Variants in DENND1C observed in about 807,000 individuals in gnomAD.
The protein encoded by DENND1C is DENN domain containing 1C, also known as DENN domain-containing protein 1C.
Under a neutral mutation model 87.9 loss-of-function variants are expected in DENND1C, and 64 were observed. That is an observed-to-expected ratio of 0.73 (90% CI 0.60 to 0.90). The LOEUF (loss-of-function observed/expected upper bound fraction) is 0.90, where lower values mean the gene tolerates loss of function less well. Ranked by LOEUF, DENND1C falls within the 40% of genes least tolerant of loss-of-function variation. The probability of loss-of-function intolerance (pLI) is 0.00; values close to 1 mark genes in which losing one functional copy is unlikely to be tolerated. For missense variants in DENND1C, 980 were observed against 1,037.0 expected (o/e 0.95, Z 0.76); for synonymous variants, 384 against 424.4 (o/e 0.90, Z 1.17).
In DENND1C at chr19:6,479,214, T is replaced by A. The variant is rs144530635; in HGVS notation, c.177-158A>T. 7 of 1,077,962 alleles carry A rather than the reference T, an allele frequency of 6.5e-6. No homozygotes were observed. In the African/African-American group the frequency reaches 8.3e-5, roughly 13 times the overall value. 66.8% of individuals were successfully genotyped at this position (1,077,962 alleles called of 1,614,324 possible). On this transcript the variant is annotated intron_variant, in intron 4 of 22. Coordinates refer to ENST00000381480, the MANE Select transcript of DENND1C (RefSeq NM_024898.4). ...CTGGGTCTCAGAATCCCTGGGTCCCTGAATCTCTGGGTCCCTGGATCTCTG... is the reference window on the plus strand; with the variant it reads ...CTGGGTCTCAGAATCCCTGGGTCCCAGAATCTCTGGGTCCCTGGATCTCTG...
intron 6 of DENND1C, among the ~76,000 whole-genome samples, chr19:6,478,475 C>T (rs1381028980): frequency 6.7e-6 from 1 of 149,680 alleles, no homozygotes; most frequent in Non-Finnish European, 1.5e-5. Context: ...AGGCCGGTCT[C>T]GAACTCCTGA....
intron 1 of DENND1C, chr19:6,480,454 C>A (rs1262074187): frequency 1.3e-5 from 12 of 958,928 alleles, no homozygotes; most frequent in Non-Finnish European, 1.5e-5. Context: ...TGAATTACAT[C>A]TCTCTCTCTC....
chr19:6,479,298 TCC>T (rs1568401811), intron 4 of DENND1C, among the ~76,000 whole-genome samples: 25 of 149,288 alleles, frequency 1.7e-4, no homozygotes, highest in African/African-American at 6.2e-4. Flanking sequence ...GGTCCTTGAA[TCC>T]CTAAGTCCCT....
rs2092878191 is a variant in DENND1C, at chr19:6,478,771, G to C, written c.366+12C>G. 3.7e-6 allele frequency: 6 copies of C among 1,609,108 alleles called. No individual in the cohort carries two copies. The highest frequency in any genetic ancestry group is 5.1e-6 in the Non-Finnish European group (6 of 1,177,842). On this transcript the variant is annotated intron_variant, in intron 6 of 22. Transcript: ENST00000381480. ...GGGACTCCCACAGGAGTGAGAGAGG[G>C]GCTGGTCTCACTTGGTCCTGGGCTA...
chr19:6,481,055 GA>G (rs1913532201), intron 1 of DENND1C, among the ~76,000 whole-genome samples: 1 of 151,874 alleles, frequency 6.6e-6, no homozygotes, highest in African/African-American at 2.4e-5. Context: ...AGACCCCATA[GA>G]ACCCTCGTGG....
intron 10 of DENND1C, 90 bp from the exon 11 acceptor site, chr19:6,476,027 T>A: frequency 8.5e-7 from 1 of 1,177,500 alleles, no homozygotes; most frequent in Non-Finnish European, 1.2e-6. Flanking sequence ...CCCAGTCTCC[T>A]GTTCCCCCTC....
intron 18 of DENND1C, chr19:6,469,965 G>A: frequency 2.2e-6 from 1 of 449,204 alleles, no homozygotes; most frequent in East Asian, 3.8e-5. Context: ...GGAAACTTCT[G>A]AGCTTGGGAG....
chr19:6,478,836 C>T lies in DENND1C; in HGVS notation c.313G>A (p.Glu105Lys), dbSNP rs1382172300. The T allele has an allele frequency of 6.8e-6, 11 of 1,613,706 alleles. No homozygotes were observed. Among genetic ancestry groups the T allele is most frequent in the East Asian group, 2.2e-5 (1 of 44,868 alleles). ...GTGTTCAATAGCTTGTAAAACACCT[C>T]GAACCAAGGCAGGTGGCTGTGGAGA... is the stretch of plus-strand genomic sequence containing the variant. Reference protein sequence around the residue: ...LCILSHLPWFEVFYKLLNTVG... With the variant: ...LCILSHLPWFKVFYKLLNTVG... The change falls in exon 6 of 23, where the codon GAG becomes AAG. Residue 105 changes from glutamate to lysine, a missense_variant. By Grantham distance (56) the Glu-to-Lys change is moderately conservative. Coordinates refer to ENST00000381480, the MANE Select transcript of DENND1C (RefSeq NM_024898.4).
chr19:6,475,265 G>A lies in DENND1C; in HGVS notation c.1053+9C>T, dbSNP rs200127881. On this transcript the variant is annotated intron_variant, in intron 14 of 22. Coordinates refer to ENST00000381480, the MANE Select transcript of DENND1C (RefSeq NM_024898.4). ...ACGAGACCTCTCCCGCAGCGTCCCC[G>A]CTGCTCACCGGGCTGCAGACGAGTG... 1.2e-6 allele frequency: 2 copies of A among 1,612,752 alleles called. No individual in the cohort carries two copies. Among genetic ancestry groups the A allele is most frequent in the Non-Finnish European group, 1.7e-6 (2 of 1,179,854 alleles).
At position 6,468,222 on chromosome 19, in the gene DENND1C, C is replaced by T. The variant is rs200954748; in HGVS notation, c.1791+12G>A. ...CTTGGGGTAGGGTTGGGGGAGTGGG[C>T]GAGGCTCTCACCAGGCTGAAGCAGC... On this transcript the variant is annotated intron_variant, in intron 22 of 22. Coordinates refer to ENST00000381480, the MANE Select transcript of DENND1C (RefSeq NM_024898.4). 1.4e-4 allele frequency: 219 copies of T among 1,612,548 alleles called. No individual in the cohort carries two copies. The African/African-American group carries it at 2.1e-3, about 15-fold the overall frequency.
Position 6,468,089 on chromosome 19 carries a change from A to G in DENND1C, c.1821T>C (p.Asp607=). 1.2e-6 allele frequency: 2 copies of G among 1,613,596 alleles called. No individual in the cohort carries two copies. Among genetic ancestry groups the G allele is most frequent in the South Asian group, 1.1e-5 (1 of 91,062 alleles). Residue 607 remains aspartate, a synonymous_variant, in exon 23 of 23, where the codon GAT becomes GAC. Transcript: ENST00000381480. ...GGGGCTCCGGCTCTGGTAGTTTCTT[A>G]TCGTCTGGTTGCCATCTTGGTATGT... is the stretch of plus-strand genomic sequence containing the variant. ...LPNIPRWQPD[D]KKLPEPEPQP... is the part of the protein sequence containing the mutation.
At chr19:6,470,643 A>T (rs2092823619) in intron 17 of DENND1C, among the ~76,000 whole-genome samples, 1 of 91,250 alleles carries the variant, frequency 1.1e-5, no homozygotes, top group Non-Finnish European at 2.3e-5. Context: ...TTTTGCTGAG[A>T]TGCAGTCTTG....
At position 6,471,415 on chromosome 19, in the gene DENND1C, C is replaced by T. The variant is rs749104184; in HGVS notation, c.1240G>A (p.Ala414Thr). The change falls in exon 16 of 23, where the codon GCC becomes ACC. Residue 414 changes from alanine to threonine, a missense_variant. Coordinates refer to ENST00000381480, the MANE Select transcript of DENND1C (RefSeq NM_024898.4). ...TGGACTCAGGGCTCACCTGAGGAGG[C>T]CCCGCAGCCAGTGATCTCCTGCTCG... Reference protein sequence around the residue: ...QFEQEITGCGASSGALRSYQL... With the variant: ...QFEQEITGCGTSSGALRSYQL... 3.2e-6 allele frequency: 5 copies of T among 1,585,750 alleles called. No individual in the cohort carries two copies. Among genetic ancestry groups the T allele is most frequent in the Non-Finnish European group, 4.3e-6 (5 of 1,166,340 alleles).
At chr19:6,478,009 A>C (rs955498983) in intron 6 of DENND1C, among the ~76,000 whole-genome samples, 2 of 151,558 alleles carry the variant, frequency 1.3e-5, no homozygotes, top group African/African-American at 4.8e-5. Flanking sequence ...CGGAATGCGG[A>C]GGTTGCAGTG....
In DENND1C at chr19:6,475,908, C is replaced by A; in HGVS notation, c.708G>T (p.Ala236=). ...TLTSCVHASC[A]LLYPMRWEHV... ...GCTCCCAGCGCATGGGGTACAGGAG[C>A]GCGCAGGACGCGTGGACGCACGAGG... Residue 236 remains alanine, a synonymous_variant, in exon 11 of 23, where the codon GCG becomes GCT. Transcript: ENST00000381480. 6.4e-7 allele frequency: 1 copy of A among 1,568,622 alleles called. No homozygotes were observed. The highest frequency in any genetic ancestry group is 8.6e-7 in the Non-Finnish European group (1 of 1,165,906).
chr19:6,479,941 G>GCCCCCCCCCCCCCC, intron 2 of DENND1C, 39 bp from the exon 3 acceptor site: 1 of 1,590,168 alleles, frequency 6.3e-7, no homozygotes, highest in Non-Finnish European at 8.6e-7. Context: ...AGCGACCCAG[G>GCCCCCCCCCCCCCC]CCCACCCTCC....
chr19:6,472,604 T>A (rs117816734), intron 15 of DENND1C, among the ~76,000 whole-genome samples: 2,893 of 152,326 alleles, frequency 0.019, 39 homozygotes, highest in Middle Eastern at 0.044. Context: ...TTGGTAGGGC[T>A]GGTCTTGAAC....
chr19:6,468,234 C>G lies in DENND1C; in HGVS notation c.1791G>C (p.Leu597=), dbSNP rs1487838495. ...TTGGGGGAGTGGGCGAGGCTCTCAC[C>G]AGGCTGAAGCAGCTGTCCAGGTCTC... is the stretch of plus-strand genomic sequence containing the variant. The part of the protein sequence containing the change: ...HRGDLDSCFS[L]PNIPRWQPDD... The change falls in exon 22 of 23, where the codon CTG becomes CTC. Residue 597 remains leucine (L), a splice_region_variant and synonymous_variant. Coordinates refer to ENST00000381480, the MANE Select transcript of DENND1C (RefSeq NM_024898.4). The G allele has an allele frequency of 6.2e-7, 1 of 1,613,094 alleles. No homozygotes were observed. Among genetic ancestry groups the G allele is most frequent in the African/African-American group, 1.3e-5 (1 of 74,968 alleles).
intron 1 of DENND1C, 92 bp downstream of exon 1, chr19:6,481,587 C>T (rs559279463): frequency 5.5e-5 from 87 of 1,574,806 alleles, no homozygotes; most frequent in Non-Finnish European, 7.3e-5. Context: ...CTGCACCTCC[C>T]GGGCCTGCTC....
Sources: gnomAD v4.1 joint callset for allele counts (sites outside exome capture counted in the v4.1 genomes callset) on GRCh38, gnomAD v4.1.1 for gene constraint, MANE v1.5 for transcripts, NCBI Gene and HGNC (gene_info 2026-07-23, HGNC 2026-07-21) for gene names.